SYT1: variants seen among roughly 807,000 people sequenced by gnomAD.
The protein encoded by SYT1 is synaptotagmin 1.
In SYT1, 8 loss-of-function variants were observed where a neutral mutation model predicts 44.8. The ratio of observed to expected loss-of-function variants is 0.18; its 90% confidence interval spans 0.10 to 0.32. The LOEUF is 0.32. Ranked by LOEUF, SYT1 falls within the 10% of genes least tolerant of loss-of-function variation. SYT1 has a pLI of 1.00. For synonymous variants in SYT1, 154 were observed against 188.8 expected (o/e 0.82, Z 1.51); for missense variants, 286 against 509.3 (o/e 0.56, Z 4.22).
chr12:78,904,498 C>T (rs1875848419), intron 1 of SYT1, among the ~76,000 whole-genome samples: 2 of 152,094 alleles, frequency 1.3e-5, no homozygotes, highest in Admixed American at 1.3e-4. Flanking sequence ...TCGAGTATCT[C>T]GACCTAACTC....
chr12:78,903,512 A>G (rs117560773), intron 1 of SYT1, among the ~76,000 whole-genome samples: 3,998 of 151,910 alleles, frequency 0.026, 71 homozygotes, highest in Non-Finnish European at 0.039. Flanking sequence ...GCCTCGAACT[A>G]CTGACTTCGT....
At chr12:78,970,089 C>CAATGTATTAATGTATT (rs1239133218) in intron 1 of SYT1, among the ~76,000 whole-genome samples, 1 of 152,042 alleles carries the variant, frequency 6.6e-6, no homozygotes, top group Non-Finnish European at 1.5e-5. Context: ...TCAGTCCACT[C>CAATGTATTAATGTATT]AATGTATTAA....
intron 3 of SYT1, among the ~76,000 whole-genome samples, chr12:79,186,912 A>G (rs1472717790): frequency 6.6e-6 from 1 of 152,036 alleles, no homozygotes; most frequent in East Asian, 1.9e-4. Flanking sequence ...ATTCCTGGAG[A>G]TGACAAATGT....
At chr12:78,892,352 C>G (rs1214814255) in intron 1 of SYT1, among the ~76,000 whole-genome samples, 1 of 151,704 alleles carries the variant, frequency 6.6e-6, no homozygotes, top group Non-Finnish European at 1.5e-5. Flanking sequence ...GCACATAATA[C>G]TACTCAGAAA....
At chr12:79,411,882 T>C (rs1868457814) in intron 9 of SYT1, among the ~76,000 whole-genome samples, 1 of 152,154 alleles carries the variant, frequency 6.6e-6, no homozygotes, top group African/African-American at 2.4e-5. Flanking sequence ...GGCGTCCTTC[T>C]GCACCAATAT....
At chr12:79,030,404 A>G (rs562140764) in intron 2 of SYT1, among the ~76,000 whole-genome samples, 2 of 151,136 alleles carry the variant, frequency 1.3e-5, no homozygotes, top group Admixed American at 6.6e-5. Flanking sequence ...TTCTCCCTCC[A>G]TAACTTTTCT....
chr12:78,966,068 C>T (rs1255782754), intron 1 of SYT1, among the ~76,000 whole-genome samples: 3 of 145,062 alleles, frequency 2.1e-5, no homozygotes, highest in Non-Finnish European at 4.5e-5. Flanking sequence ...TAGAATGAGA[C>T]TCTGTCTCAA....
intron 3 of SYT1, among the ~76,000 whole-genome samples, chr12:79,191,322 A>G (rs975671822): frequency 2.6e-5 from 4 of 152,104 alleles, no homozygotes; most frequent in African/African-American, 9.6e-5. Context: ...GTGTACATCA[A>G]CAGTAGGGTT....
At chr12:79,315,515 T>TA (rs1189996236) in intron 8 of SYT1, among the ~76,000 whole-genome samples, 3 of 152,122 alleles carry the variant, frequency 2.0e-5, no homozygotes, top group African/African-American at 7.2e-5. Context: ...AATCTGTTTT[T>TA]AAAAAAAAGT....
chr12:79,311,702 G>A (rs1331649180), intron 8 of SYT1, among the ~76,000 whole-genome samples: 3 of 141,814 alleles, frequency 2.1e-5, no homozygotes, highest in East Asian at 4.1e-4. Context: ...AAAATGATGA[G>A]TTCATGTCCT....
At chr12:79,315,188 C>A (rs1229483907) in intron 8 of SYT1, among the ~76,000 whole-genome samples, 1 of 151,736 alleles carries the variant, frequency 6.6e-6, no homozygotes, top group Admixed American at 6.6e-5. Flanking sequence ...TTTTTATTTT[C>A]TTTATTATTT....
At chr12:78,943,922 A>G (rs1878517963) in intron 1 of SYT1, among the ~76,000 whole-genome samples, 1 of 152,158 alleles carries the variant, frequency 6.6e-6, no homozygotes, top group South Asian at 2.1e-4. Flanking sequence ...ACCTCATACT[A>G]AGTCAGAAGT....
At chr12:79,279,487 G>T (rs771559454) in intron 4 of SYT1, among the ~76,000 whole-genome samples, 2 of 151,852 alleles carry the variant, frequency 1.3e-5, no homozygotes, top group Non-Finnish European at 2.9e-5. Flanking sequence ...AGGAATAGAA[G>T]GAAAAGGAAC....
chr12:79,350,055 C>A (rs1434364181), intron 8 of SYT1, among the ~76,000 whole-genome samples: 3 of 151,976 alleles, frequency 2.0e-5, no homozygotes, highest in Non-Finnish European at 4.4e-5. Context: ...TCCAAAAATT[C>A]GTACTGGCAT....
chr12:79,206,625 G>A (rs1181721614), intron 3 of SYT1, among the ~76,000 whole-genome samples: 1 of 152,130 alleles, frequency 6.6e-6, no homozygotes, highest in African/African-American at 2.4e-5. Context: ...TCCATGATGG[G>A]ATCCCACATC....
chr12:79,355,615 G>T (rs904834891), intron 9 of SYT1, among the ~76,000 whole-genome samples: 5 of 152,108 alleles, frequency 3.3e-5, no homozygotes, highest in African/African-American at 1.2e-4. Context: ...TCCAGCCTAT[G>T]TCATGCCATA....
At chr12:79,117,250 A>G (rs1470439727) in intron 3 of SYT1, among the ~76,000 whole-genome samples, 2 of 152,122 alleles carry the variant, frequency 1.3e-5, no homozygotes, top group African/African-American at 4.8e-5. Flanking sequence ...CTCAATATGT[A>G]TTGAGAAATA....
At chr12:78,925,129 C>T (rs1877232875) in intron 1 of SYT1, among the ~76,000 whole-genome samples, 1 of 151,866 alleles carries the variant, frequency 6.6e-6, no homozygotes, top group African/African-American at 2.4e-5. Flanking sequence ...CATCTTAAAA[C>T]TCTTAAATTC....
At chr12:79,299,110 T>C (rs535226929) in intron 7 of SYT1, among the ~76,000 whole-genome samples, 1 of 152,262 alleles carries the variant, frequency 6.6e-6, no homozygotes, top group Admixed American at 6.5e-5. Context: ...TAAGGCTTTA[T>C]AGTATAACTA....
Sources: allele counts gnomAD v4.1 joint callset (sites outside exome capture counted in the v4.1 genomes callset), GRCh38; gene constraint gnomAD v4.1.1; transcripts MANE v1.5; gene names NCBI Gene and HGNC (gene_info 2026-07-23, HGNC 2026-07-21).